The following FILIP1L variants were observed in gnomAD, a reference collection of about 807,000 sequenced individuals.
FILIP1L encodes filamin A interacting protein 1 like, also known as filamin A-interacting protein 1-like.
A neutral mutation model predicts 96.6 loss-of-function variants in FILIP1L; 55 were observed. The observed-to-expected ratio is 0.57, with a 90% CI of 0.46 to 0.71. The LOEUF (loss-of-function observed/expected upper bound fraction) is 0.71, where lower values mean the gene tolerates loss of function less well. Ranked by LOEUF, FILIP1L falls within the 30% of genes least tolerant of loss-of-function variation. The pLI, the probability that FILIP1L is intolerant of heterozygous loss-of-function variation, is 0.00. For synonymous variants in FILIP1L, 467 were observed against 473.9 expected (o/e 0.99, Z 0.19); for missense variants, 1,304 against 1,321.2 (o/e 0.99, Z 0.20).
intron 4 of FILIP1L, among the ~76,000 whole-genome samples, chr3:99,867,255 TTATC>T (rs1944564506): frequency 1.3e-5 from 2 of 152,178 alleles, no homozygotes; most frequent in African/African-American, 4.8e-5. Flanking sequence ...CCCATTTAGT[TTATC>T]TATGTGAGAA....
rs553362847 is a variant in FILIP1L at position 100,052,673 on chromosome 3, C to A, written c.-11+61380G>T. 2.0e-5 allele frequency among the ~76,000 whole-genome samples: 3 copies of A among 152,254 alleles called. No individual in the cohort carries two copies. In the East Asian group the frequency reaches 5.8e-4, roughly 29 times the overall value. ...CCATGGGTAAGTTAATGCAATGTTT[C>A]TTTCTATAACCACATTTTAAGATAA... On this transcript the variant is annotated intron_variant, in intron 1 of 5. Coordinates refer to ENST00000477258, the MANE Select transcript of FILIP1L (RefSeq NM_001387850.1).
At chr3:99,857,183 A>C (rs561063523) in intron 4 of FILIP1L, among the ~76,000 whole-genome samples, 1 of 148,436 alleles carries the variant, frequency 6.7e-6, no homozygotes, top group Admixed American at 6.6e-5. Context: ...TCACTATTTA[A>C]GAGGATGCTC....
chr3:99,990,562 A>G (rs2107130021), intron 1 of FILIP1L, among the ~76,000 whole-genome samples: 1 of 152,328 alleles, frequency 6.6e-6, no homozygotes, highest in East Asian at 1.9e-4. Flanking sequence ...TCATGGCCAC[A>G]ATTAGAATTA....
intron 4 of FILIP1L, among the ~76,000 whole-genome samples, chr3:99,906,519 T>C (rs1706623491): frequency 6.6e-6 from 1 of 152,256 alleles, no homozygotes; most frequent in African/African-American, 2.4e-5. Flanking sequence ...ACATAACTTA[T>C]TTATTTCAAT....
chr3:99,958,589 T>C (rs1559703681), intron 1 of FILIP1L, among the ~76,000 whole-genome samples: 1 of 152,154 alleles, frequency 6.6e-6, no homozygotes, highest in Non-Finnish European at 1.5e-5. Flanking sequence ...CTACGGTTAG[T>C]AGAATTAGAC....
intron 1 of FILIP1L, among the ~76,000 whole-genome samples, chr3:100,086,047 T>C (rs1237197365): frequency 2.0e-5 from 3 of 152,226 alleles, no homozygotes; most frequent in Non-Finnish European, 2.9e-5. Flanking sequence ...ATATGATTCG[T>C]GTTAGAGAGC....
At chr3:99,854,755 AGTCT>A (rs1402767043) in intron 4 of FILIP1L, among the ~76,000 whole-genome samples, 1 of 152,192 alleles carries the variant, frequency 6.6e-6, no homozygotes, top group Non-Finnish European at 1.5e-5. Flanking sequence ...TGTGTATGTC[AGTCT>A]GTCAGTAGAA....
intron 1 of FILIP1L, among the ~76,000 whole-genome samples, chr3:99,980,900 G>A (rs554821019): frequency 4.6e-5 from 7 of 152,070 alleles, no homozygotes; most frequent in Non-Finnish European, 8.8e-5. Flanking sequence ...GGTTTGAATC[G>A]GGTACTTGAA....
intron 1 of FILIP1L, among the ~76,000 whole-genome samples, chr3:100,014,049 G>T (rs977419706): frequency 6.6e-6 from 1 of 151,760 alleles, no homozygotes; most frequent in South Asian, 2.1e-4. Flanking sequence ...TTAAGATTCC[G>T]CATGTAAGTG....
At chr3:99,831,265 T>C (rs1237695654) in intron 5 of FILIP1L, among the ~76,000 whole-genome samples, 1 of 152,250 alleles carries the variant, frequency 6.6e-6, no homozygotes, top group Non-Finnish European at 1.5e-5. Context: ...TACTTAGATA[T>C]GTTAAAAGTA....
chr3:100,008,853 A>T (rs1300068166), intron 1 of FILIP1L, among the ~76,000 whole-genome samples: 1 of 152,220 alleles, frequency 6.6e-6, no homozygotes, highest in Non-Finnish European at 1.5e-5. Flanking sequence ...AGATGCAGCA[A>T]AGTGATTTTA....
chr3:100,070,671 G>T (rs2065746067), intron 1 of FILIP1L, among the ~76,000 whole-genome samples: 1 of 151,988 alleles, frequency 6.6e-6, no homozygotes, highest in African/African-American at 2.4e-5. Flanking sequence ...CACTCTTTTG[G>T]CCCACGCTGG....
chr3:100,040,468 A>T (rs2065186355), intron 1 of FILIP1L: 1 of 152,242 alleles, frequency 6.6e-6, no homozygotes, highest in South Asian at 2.1e-4. Context: ...TTTAGGTAGC[A>T]TCAAGAAACA....
chr3:100,066,383 G>T (rs76110559), intron 1 of FILIP1L, among the ~76,000 whole-genome samples: 1 of 152,066 alleles, frequency 6.6e-6, no homozygotes, highest in African/African-American at 2.4e-5. Context: ...AATTCTTATG[G>T]AACTGGATTG....
intron 4 of FILIP1L, among the ~76,000 whole-genome samples, chr3:99,880,276 CTG>C (rs1705679066): frequency 6.6e-6 from 1 of 152,170 alleles, no homozygotes; most frequent in Non-Finnish European, 1.5e-5. Flanking sequence ...CTGTCTGGCT[CTG>C]TACATGTAGA....
intron 1 of FILIP1L, among the ~76,000 whole-genome samples, chr3:100,057,670 T>C (rs1047779645): frequency 6.6e-6 from 1 of 152,210 alleles, no homozygotes; most frequent in Admixed American, 6.5e-5. Flanking sequence ...TATGGGACAG[T>C]TGGTTTCATG....
chr3:99,909,070 T>A (rs567733439), intron 4 of FILIP1L, among the ~76,000 whole-genome samples: 65 of 152,296 alleles, frequency 4.3e-4, no homozygotes, highest in African/African-American at 1.5e-3. Flanking sequence ...AAAGGAATGC[T>A]TACCTGGAAA....
At chr3:100,110,263 G>A (rs772464747) in intron 1 of FILIP1L, among the ~76,000 whole-genome samples, 7 of 152,082 alleles carry the variant, frequency 4.6e-5, no homozygotes, top group Non-Finnish European at 7.4e-5. Flanking sequence ...AGAGATGTTA[G>A]GGGCAGCTGA....
At chr3:99,957,697 T>C (rs200907059) in intron 1 of FILIP1L, among the ~76,000 whole-genome samples, 4 of 109,880 alleles carry the variant, frequency 3.6e-5, no homozygotes, top group African/African-American at 1.5e-4. Flanking sequence ...TTCTTTCTTT[T>C]TTTTTTTTTT....
Sources: allele counts gnomAD v4.1 joint callset (sites outside exome capture counted in the v4.1 genomes callset), GRCh38; gene constraint gnomAD v4.1.1; transcripts MANE v1.5; gene names NCBI Gene and HGNC (gene_info 2026-07-23, HGNC 2026-07-21).